Variants in WDPCP observed in about 807,000 individuals in gnomAD.
WDPCP encodes the protein WD repeat containing planar cell polarity effector, also known as WD repeat-containing and planar cell polarity effector protein fritz homolog.
In WDPCP, 71 loss-of-function variants were observed where a neutral mutation model predicts 93.1. The ratio of observed to expected loss-of-function variants is 0.76; its 90% CI spans 0.63 to 0.93. The LOEUF is 0.93. Ranked by LOEUF, WDPCP falls within the 40% of genes least tolerant of loss-of-function variation. The pLI is 0.00. For synonymous variants in WDPCP, 315 were observed against 315.0 expected (o/e 1.00, Z 0.00); for missense variants, 844 against 887.4 (o/e 0.95, Z 0.62).
In WDPCP at chr2:63,295,880, CAAAAAAAAAAAA is replaced by C. The variant is rs59418675; in HGVS notation, c.1812+17356_1812+17367del. On this transcript the variant is annotated intron_variant, in intron 13 of 17. Coordinates refer to ENST00000272321, the MANE Select transcript of WDPCP (RefSeq NM_015910.7). ...GGTACCAAACTTAGTGAAACTATTCCAAAAAAAAAAAAAAAAAAAAAAAATCAAGTTGGAAGG... is the reference window on the plus strand; with the variant it reads ...GGTACCAAACTTAGTGAAACTATTCCAAAAAAAAAAAATCAAGTTGGAAGG... Among the ~76,000 whole-genome samples the C allele has an allele frequency of 7.8e-5, 9 of 115,224 alleles. No homozygotes were observed. The East Asian group carries it at 1.1e-3, about 14-fold the overall frequency. The allele number at this position is 115,224 out of a possible 152,430, so 75.6% of individuals were successfully genotyped here. A position where few individuals can be genotyped will look rare whatever the true frequency, so the allele number is the denominator to read the frequency against.
chr2:63,538,181 C>T (rs1370934705), intron 1 of WDPCP, among the ~76,000 whole-genome samples: 1 of 151,876 alleles, frequency 6.6e-6, no homozygotes, highest in African/African-American at 2.4e-5. Context: ...AAGCCCCTGC[C>T]TTTAAACAAA....
At chr2:63,746,006 T>A (rs1201441666) in intron 2 of WDPCP, among the ~76,000 whole-genome samples, 1 of 152,184 alleles carries the variant, frequency 6.6e-6, no homozygotes, top group Non-Finnish European at 1.5e-5. Context: ...AAGGTGAGCA[T>A]GTTTTCATAT....
intron 2 of WDPCP, among the ~76,000 whole-genome samples, chr2:63,651,263 A>G (rs1361480090): frequency 6.6e-6 from 1 of 152,182 alleles, no homozygotes; most frequent in African/African-American, 2.4e-5. Flanking sequence ...TTTAACAAGT[A>G]TGGGTATATT....
intron 1 of WDPCP, among the ~76,000 whole-genome samples, chr2:63,814,402 T>C (rs994419091): frequency 2.6e-5 from 4 of 151,960 alleles, no homozygotes; most frequent in Admixed American, 2.6e-4. Flanking sequence ...GCTTCCTACA[T>C]TTGAAAATTT....
intron 12 of WDPCP, among the ~76,000 whole-genome samples, chr2:63,372,354 A>C (rs544410943): frequency 3.3e-5 from 5 of 152,168 alleles, no homozygotes; most frequent in Non-Finnish European, 7.4e-5. Context: ...AGATTTAGGC[A>C]GGGGCAAATA....
At chr2:63,195,456 G>A (rs989804938) in intron 14 of WDPCP, among the ~76,000 whole-genome samples, 1 of 152,034 alleles carries the variant, frequency 6.6e-6, no homozygotes, top group African/African-American at 2.4e-5. Flanking sequence ...AACTGCATGG[G>A]TCCACTTATA....
At chr2:63,177,684 C>T (rs1021622020) in intron 14 of WDPCP, among the ~76,000 whole-genome samples, 1 of 152,080 alleles carries the variant, frequency 6.6e-6, no homozygotes, top group African/African-American at 2.4e-5. Context: ...GACAATTTTA[C>T]TTCCTTTCTG....
intron 2 of WDPCP, among the ~76,000 whole-genome samples, chr2:63,666,525 T>G (rs1383135977): frequency 1.3e-5 from 2 of 152,160 alleles, no homozygotes; most frequent in African/African-American, 4.8e-5. Context: ...TCCCTACTGT[T>G]TTGGTGAATT....
At chr2:63,643,965 TA>T in intron 3 of WDPCP, 1 of 486,292 alleles carries the variant, frequency 2.1e-6, no homozygotes, top group Non-Finnish European at 4.2e-6. Flanking sequence ...GGATGAGGAG[TA>T]AACACACCAA....
intron 14 of WDPCP, among the ~76,000 whole-genome samples, chr2:63,222,290 A>G (rs1403492912): frequency 2.0e-5 from 3 of 152,184 alleles, no homozygotes; most frequent in Non-Finnish European, 4.4e-5. Context: ...CTCACTTACA[A>G]TTCTACTGTT....
intron 2 of WDPCP, among the ~76,000 whole-genome samples, chr2:63,760,218 GC>G (rs1384482761): frequency 6.6e-6 from 1 of 152,046 alleles, no homozygotes; most frequent in Admixed American, 6.6e-5. Flanking sequence ...CAAGCATAAA[GC>G]CCCCTTCTGA....
intron 2 of WDPCP, among the ~76,000 whole-genome samples, chr2:63,731,883 A>G (rs573104716): frequency 2.6e-5 from 4 of 152,328 alleles, no homozygotes; most frequent in Admixed American, 2.0e-4. Flanking sequence ...GATAAGAAGT[A>G]TATTTGTTCT....
chr2:63,681,589 A>G (rs1210387160), intron 2 of WDPCP, among the ~76,000 whole-genome samples: 4 of 152,064 alleles, frequency 2.6e-5, no homozygotes, highest in East Asian at 3.9e-4. Context: ...TATGGTACCT[A>G]TGGATTTCCC....
chr2:63,288,976 T>G (rs1034722565), intron 13 of WDPCP, among the ~76,000 whole-genome samples: 8 of 152,248 alleles, frequency 5.3e-5, no homozygotes, highest in Middle Eastern at 6.8e-3. Flanking sequence ...GAACGGATGT[T>G]GTGTTCTTAC....
intron 2 of WDPCP, among the ~76,000 whole-genome samples, chr2:63,655,992 T>G (rs1290533606): frequency 6.6e-6 from 1 of 152,214 alleles, no homozygotes; most frequent in Non-Finnish European, 1.5e-5. Flanking sequence ...TTCCTACCCT[T>G]TAATATAAAT....
At chr2:63,530,677 T>G (rs749686616) in intron 1 of WDPCP, among the ~76,000 whole-genome samples, 1 of 152,224 alleles carries the variant, frequency 6.6e-6, no homozygotes, top group African/African-American at 2.4e-5. Context: ...ACAGGATCCA[T>G]GCAACTGGCA....
intron 13 of WDPCP, among the ~76,000 whole-genome samples, chr2:63,281,559 CA>C (rs1683548333): frequency 6.6e-6 from 1 of 151,996 alleles, no homozygotes; most frequent in Admixed American, 6.6e-5. Context: ...TTTGCAATTG[CA>C]AAAATATGGA....
At chr2:63,545,674 C>A (rs944814372) in intron 1 of WDPCP, among the ~76,000 whole-genome samples, 1 of 151,722 alleles carries the variant, frequency 6.6e-6, no homozygotes, top group South Asian at 2.1e-4. Context: ...TTTCTTGGTG[C>A]CATGATGTCA....
At chr2:63,511,374 T>C (rs983981733) in intron 1 of WDPCP, among the ~76,000 whole-genome samples, 10 of 152,320 alleles carry the variant, frequency 6.6e-5, no homozygotes, top group Admixed American at 5.2e-4. Flanking sequence ...ATTGACTTTC[T>C]TCACAGAATT....
Sources: allele counts gnomAD v4.1 joint callset (sites outside exome capture counted in the v4.1 genomes callset), GRCh38; gene constraint gnomAD v4.1.1; transcripts MANE v1.5; gene names NCBI Gene and HGNC (gene_info 2026-07-23, HGNC 2026-07-21).